GTF2IRD1: variants seen among roughly 807,000 people sequenced by gnomAD.
GTF2IRD1 encodes the protein general transcription factor II-I repeat domain-containing protein 1.
A neutral mutation model predicts 113.2 loss-of-function variants in GTF2IRD1; 26 were observed. The observed-to-expected ratio is 0.23, with a 90% CI of 0.17 to 0.32. The LOEUF (loss-of-function observed/expected upper bound fraction) is 0.32. Among genes scored for constraint, GTF2IRD1 ranks in the 10% least tolerant of loss-of-function variants. GTF2IRD1 has a pLI of 1.00. For synonymous variants in GTF2IRD1, 484 were observed against 529.1 expected (o/e 0.91, Z 1.17); for missense variants, 864 against 1,280.8 (o/e 0.67, Z 4.97).
rs782333048 is a variant in GTF2IRD1, at chr7:74,590,874, C to T, written c.2448C>T (p.Ile816=). 6.8e-6 allele frequency: 11 copies of T among 1,613,584 alleles called. No individual in the cohort carries two copies. The highest frequency in any genetic ancestry group is 1.3e-5 in the African/African-American group (1 of 75,044). The change falls in exon 24 of 27, where the codon ATC becomes ATT. Residue 816 remains isoleucine, a synonymous_variant. Coordinates refer to ENST00000424337, the MANE Select transcript of GTF2IRD1 (RefSeq NM_005685.4). The part of the protein sequence containing the change: ...NRPVLVPYKL[I]RDSPDAVEVT... ...CGGTGCTGGTCCCTTATAAACTAATCCGGGACAGCCCAGACGCCGTGGAGG... is the reference window on the plus strand; with the variant it reads ...CGGTGCTGGTCCCTTATAAACTAATTCGGGACAGCCCAGACGCCGTGGAGG...
chr7:74,592,689 C>CA (rs1802137040), intron 24 of GTF2IRD1, among the ~76,000 whole-genome samples: 1 of 151,778 alleles, frequency 6.6e-6, no homozygotes, highest in African/African-American at 2.4e-5. Flanking sequence ...CATGTGCCAC[C>CA]ACCCCAGCTA....
chr7:74,569,775 G>A (rs1415853512), intron 22 of GTF2IRD1, among the ~76,000 whole-genome samples: 2 of 152,184 alleles, frequency 1.3e-5, no homozygotes, highest in Non-Finnish European at 2.9e-5. Flanking sequence ...GCAGCAGGGT[G>A]TGAAGAGGGC....
intron 1 of GTF2IRD1, among the ~76,000 whole-genome samples, chr7:74,461,954 C>T (rs1793398815): frequency 6.6e-6 from 1 of 152,158 alleles, no homozygotes; most frequent in South Asian, 2.1e-4. Flanking sequence ...GGCTCACACC[C>T]TTATGTCGTC....
intron 12 of GTF2IRD1, 64 bp downstream of exon 12, chr7:74,538,237 G>A (rs1194168830): frequency 2.6e-5 from 40 of 1,519,530 alleles, no homozygotes; most frequent in East Asian, 6.8e-5. Context: ...AGCCCTACCC[G>A]GCAGCCTTGG....
intron 21 of GTF2IRD1, 131 bp downstream of exon 21, chr7:74,559,175 G>C (rs1799797399): frequency 7.5e-6 from 6 of 804,100 alleles, no homozygotes. Context: ...GCACCATCCT[G>C]GGTCCTGGGG....
At chr7:74,564,470 G>T (rs1392096512) in intron 22 of GTF2IRD1, among the ~76,000 whole-genome samples, 1 of 152,154 alleles carries the variant, frequency 6.6e-6, no homozygotes, top group Non-Finnish European at 1.5e-5. Flanking sequence ...GATGACTCAG[G>T]CCAGACGTGG....
rs565337391 is a variant in GTF2IRD1, at chr7:74,456,958, TCCA to T, written c.-7+2785_-7+2787del. On this transcript the variant is annotated intron_variant, in intron 1 of 26. Coordinates refer to ENST00000424337, the MANE Select transcript of GTF2IRD1 (RefSeq NM_005685.4). ...CCTCGTCCTCAGGGCTGGCCATGGT[TCCA>T]CCTTTATATCCCCATGATGTCCTCT... Among the ~76,000 whole-genome samples, 658 of 152,224 alleles carry T rather than the reference TCCA, an allele frequency of 4.3e-3. 2 individuals carry two copies. The highest frequency in any genetic ancestry group is 0.014 in the Middle Eastern group (4 of 292).
At chr7:74,581,377 C>T (rs1244005647) in intron 22 of GTF2IRD1, among the ~76,000 whole-genome samples, 2 of 152,290 alleles carry the variant, frequency 1.3e-5, no homozygotes, top group Middle Eastern at 3.4e-3. Flanking sequence ...TGCCCAGGGT[C>T]GCGAGCTGAT....
rs1246400600 is a variant in GTF2IRD1 at position 74,517,427 on chromosome 7, C to T, written c.422-712C>T. Among the ~76,000 whole-genome samples, 158 of 77,426 alleles carry T rather than the reference C, an allele frequency of 2.0e-3. 3 individuals are homozygous for T. Among genetic ancestry groups the T allele is most frequent in the African/African-American group, 7.2e-3 (137 of 19,148 alleles). 50.8% of individuals were successfully genotyped at this position (77,426 alleles called of 152,430 possible). On this transcript the variant is annotated intron_variant, in intron 4 of 26. Transcript: ENST00000424337. Reference sequence around the variant, plus strand: ...GGTCTCTCTCCCTTCCTCCCTACACCTTTTTTTTTTTTTTTTTTTTTTTGA... The same window carrying T: ...GGTCTCTCTCCCTTCCTCCCTACACTTTTTTTTTTTTTTTTTTTTTTTTGA...
intron 14 of GTF2IRD1, 149 bp from the exon 15 acceptor site, chr7:74,544,606 C>T (rs1174627923): frequency 1.1e-5 from 7 of 661,364 alleles, no homozygotes; most frequent in Non-Finnish European, 1.9e-5. Flanking sequence ...TGTATGGAAT[C>T]GGGGTCCCTG....
intron 26 of GTF2IRD1, 49 bp downstream of exon 26, chr7:74,601,229 C>T: frequency 6.4e-7 from 1 of 1,552,976 alleles, no homozygotes. Context: ...GTGGCCCTCA[C>T]CCCTCTGTCT....
At chr7:74,490,300 T>C (rs1407282474) in intron 1 of GTF2IRD1, among the ~76,000 whole-genome samples, 1 of 152,036 alleles carries the variant, frequency 6.6e-6, no homozygotes, top group East Asian at 1.9e-4. Flanking sequence ...CCAGACTGCC[T>C]TCTACTGCAC....
intron 9 of GTF2IRD1, among the ~76,000 whole-genome samples, chr7:74,530,493 ATTTT>A (rs57782999): frequency 3.9e-5 from 4 of 102,212 alleles, no homozygotes; most frequent in African/African-American, 1.2e-4. Context: ...GCACTTTGTA[ATTTT>A]TTTTTTTTTT....
At position 74,555,738 on chromosome 7, in the gene GTF2IRD1, C is replaced by A. The variant is rs587648705; in HGVS notation, c.2023+244C>A. Among the ~76,000 whole-genome samples, 1 of 152,184 alleles carries A rather than the reference C, an allele frequency of 6.6e-6. No homozygotes were observed. The highest frequency in any genetic ancestry group is 2.4e-5 in the African/African-American group (1 of 41,450). ...GGGAGCCCAGGAGCCTGCCTGCCCC[C>A]TCCCTGCCCCACCCCCCAGAGGTAG... On this transcript the variant is annotated intron_variant, in intron 19 of 26. Transcript: ENST00000424337. The surrounding 1 kb of genome is among the most constrained non-coding windows in gnomAD (Gnocchi z 5.3).
chr7:74,485,882 T>C (rs1368712307), intron 1 of GTF2IRD1, among the ~76,000 whole-genome samples: 1 of 151,924 alleles, frequency 6.6e-6, no homozygotes, highest in Non-Finnish European at 1.5e-5. Flanking sequence ...GCTATGATCG[T>C]GCCTCTGCAC....
rs1554343441 is a variant in GTF2IRD1 at position 74,512,913 on chromosome 7, G to A, written c.207G>A (p.Lys69=). 6.2e-7 allele frequency: 1 copy of A among 1,614,134 alleles called. No homozygotes were observed. The highest frequency in any genetic ancestry group is 8.5e-7 in the Non-Finnish European group (1 of 1,179,986). Residue 69 remains lysine (K), a synonymous_variant, in exon 3 of 27, where the codon AAG becomes AAA. Coordinates refer to ENST00000424337, the MANE Select transcript of GTF2IRD1 (RefSeq NM_005685.4). This position sits in a 1 kb window ranked among gnomAD's most constrained non-coding sequence, Gnocchi z 4.4. The part of the protein sequence containing the change: ...DESAFVVGTE[K]GRMFLNARKE... ...GCGCCTTTGTGGTGGGCACAGAGAA[G>A]GGGAGAATGTTCCTGAATGCCCGGA...
chr7:74,547,100 C>T lies in GTF2IRD1; in HGVS notation c.1733-3C>T, dbSNP rs1177488058. The stretch of plus-strand genomic sequence containing the variant: ...TGGCCCTACAGCAGCCATGTCTCTG[C>T]AGCCAAGGCCATTGGCATCTCGGAG... On this transcript the variant is annotated splice_region_variant and splice_polypyrimidine_tract_variant and intron_variant, in intron 16 of 26. Coordinates refer to ENST00000424337, the MANE Select transcript of GTF2IRD1 (RefSeq NM_005685.4). The T allele has an allele frequency of 8.7e-6, 14 of 1,610,188 alleles. No homozygotes were observed. Among genetic ancestry groups the T allele is most frequent in the East Asian group, 4.5e-5 (2 of 44,806 alleles).
intron 1 of GTF2IRD1, among the ~76,000 whole-genome samples, chr7:74,488,616 G>A (rs1795151760): frequency 6.6e-6 from 1 of 151,970 alleles, no homozygotes. Context: ...AAGTGAGCCA[G>A]GTGTGGTGGC....
intron 1 of GTF2IRD1, among the ~76,000 whole-genome samples, chr7:74,472,243 C>A (rs1794157343): frequency 9.3e-6 from 1 of 106,992 alleles, no homozygotes; most frequent in Non-Finnish European, 1.9e-5. Context: ...GGGCCAGGTG[C>A]TGCAGTGGGG....
Sources: gnomAD v4.1 joint callset for allele counts (sites outside exome capture counted in the v4.1 genomes callset) on GRCh38, gnomAD v4.1.1 for gene constraint, Gnocchi (gnomAD v3.1) non-coding constraint, MANE v1.5 for transcripts, NCBI Gene and HGNC (gene_info 2026-07-23, HGNC 2026-07-21) for gene names.